MAPKAP1: variants seen among roughly 807,000 people sequenced by gnomAD.
MAPKAP1 encodes the protein MAPK associated protein 1, also known as target of rapamycin complex 2 subunit MAPKAP1.
Under a neutral mutation model 65.7 loss-of-function variants are expected in MAPKAP1, and 20 were observed. That is an observed-to-expected ratio of 0.30 (90% CI 0.21 to 0.44). The LOEUF is 0.44. MAPKAP1 is among the 20% of genes least tolerant of loss of function. The probability of loss-of-function intolerance (pLI) is 1.00; values close to 1 mark genes in which losing one functional copy is unlikely to be tolerated. For missense variants in MAPKAP1, 423 were observed against 648.0 expected, an observed-to-expected ratio of 0.65 and a Z score of 3.77; for synonymous variants, 222 against 244.3, an observed-to-expected ratio of 0.91 and a Z score of 0.85.
chr9:125,460,371 C>A (rs2132972057), intron 10 of MAPKAP1, among the ~76,000 whole-genome samples: 1 of 151,568 alleles, frequency 6.6e-6, no homozygotes, highest in East Asian at 1.9e-4. Context: ...ATATTCCAAT[C>A]AACACAAATT....
At chr9:125,512,756 G>C (rs1410654051) in intron 7 of MAPKAP1, 1 of 151,870 alleles carries the variant, frequency 6.6e-6, no homozygotes, top group African/African-American at 2.4e-5. Flanking sequence ...TAATTTTTTT[G>C]TATTTTTTAG....
intron 4 of MAPKAP1, among the ~76,000 whole-genome samples, chr9:125,596,891 A>G (rs1238350354): frequency 5.4e-5 from 8 of 147,380 alleles, no homozygotes; most frequent in East Asian, 4.1e-4. Context: ...TTTAATGTAG[A>G]TTTCTTTTTT....
intron 8 of MAPKAP1, among the ~76,000 whole-genome samples, chr9:125,485,663 T>C (rs969057888): frequency 6.6e-6 from 1 of 152,158 alleles, no homozygotes; most frequent in Non-Finnish European, 1.5e-5. Context: ...CCCAGACCTG[T>C]TGAAATCCCT....
intron 5 of MAPKAP1, among the ~76,000 whole-genome samples, chr9:125,581,570 C>T (rs367547813): frequency 1.2e-4 from 19 of 152,126 alleles, no homozygotes; most frequent in African/African-American, 4.1e-4. Context: ...CAGTTCTTTA[C>T]CTATTCTATA....
chr9:125,637,382 T>C (rs1416318515), intron 4 of MAPKAP1, among the ~76,000 whole-genome samples: 2 of 148,672 alleles, frequency 1.3e-5, no homozygotes, highest in Non-Finnish European at 3.0e-5. Flanking sequence ...CTAAAGAGAA[T>C]GGGTTTTGCC....
intron 4 of MAPKAP1, among the ~76,000 whole-genome samples, chr9:125,598,390 CAAGTT>C (rs1480061348): frequency 2.0e-5 from 3 of 152,148 alleles, no homozygotes; most frequent in African/African-American, 4.8e-5. Context: ...TATTTTCTGA[CAAGTT>C]AAGCTTAAAA....
chr9:125,574,044 ACACT>A (rs1381544217), intron 5 of MAPKAP1, among the ~76,000 whole-genome samples: 3 of 152,194 alleles, frequency 2.0e-5, no homozygotes, highest in African/African-American at 7.2e-5. Flanking sequence ...TATATAGCAA[ACACT>A]CAATAAATAT....
At chr9:125,626,856 C>T (rs1280202492) in intron 4 of MAPKAP1, among the ~76,000 whole-genome samples, 1 of 152,064 alleles carries the variant, frequency 6.6e-6, no homozygotes, top group East Asian at 1.9e-4. Context: ...TAATTACTAA[C>T]ATATATAGAA....
intron 1 of MAPKAP1, among the ~76,000 whole-genome samples, chr9:125,702,565 T>A (rs1300747685): frequency 1.4e-5 from 2 of 141,386 alleles, no homozygotes; most frequent in East Asian, 4.4e-4. Flanking sequence ...AACTAGCTAG[T>A]ACATGGCCGG....
intron 3 of MAPKAP1, among the ~76,000 whole-genome samples, chr9:125,666,636 A>G (rs990358063): frequency 6.6e-6 from 1 of 152,212 alleles, no homozygotes; most frequent in Non-Finnish European, 1.5e-5. Context: ...TCTTAAAAGC[A>G]GAGAATGAAT....
intron 7 of MAPKAP1, among the ~76,000 whole-genome samples, chr9:125,517,729 A>G (rs1013931627): frequency 6.6e-6 from 1 of 152,200 alleles, no homozygotes; most frequent in Non-Finnish European, 1.5e-5. Flanking sequence ...TTGAATACCT[A>G]GCCTCACGAA....
At chr9:125,551,656 T>C (rs1830588674) in intron 6 of MAPKAP1, among the ~76,000 whole-genome samples, 1 of 152,200 alleles carries the variant, frequency 6.6e-6, no homozygotes, top group Non-Finnish European at 1.5e-5. Flanking sequence ...TGACTTTTTT[T>C]TTTTTCCTTT....
chr9:125,690,065 G>A (rs1230989161), intron 1 of MAPKAP1, among the ~76,000 whole-genome samples: 1 of 152,222 alleles, frequency 6.6e-6, no homozygotes, highest in African/African-American at 2.4e-5. Flanking sequence ...TCCAGCCTGG[G>A]CTACAAGAGC....
chr9:125,452,562 C>CT (rs1236528391), intron 10 of MAPKAP1, among the ~76,000 whole-genome samples: 4 of 152,170 alleles, frequency 2.6e-5, no homozygotes, highest in Non-Finnish European at 5.9e-5. Context: ...CCTTAATACT[C>CT]TTAAACACTA....
At chr9:125,695,210 C>A (rs868075737) in intron 1 of MAPKAP1, among the ~76,000 whole-genome samples, 2 of 152,188 alleles carry the variant, frequency 1.3e-5, no homozygotes, top group Admixed American at 1.3e-4. Flanking sequence ...TGCCCCATAC[C>A]AGCATCTTAA....
At position 125,595,804 on chromosome 9, in the gene MAPKAP1, G is replaced by C. The variant is rs1589324028; in HGVS notation, c.499-10077C>G. ...GAACGCTCCCAGACTGTGTGGTAATGAAAGATTCCAACACCAAGCGTTCCG... is the reference window on the plus strand; with the variant it reads ...GAACGCTCCCAGACTGTGTGGTAATCAAAGATTCCAACACCAAGCGTTCCG... On this transcript the variant is annotated intron_variant, in intron 4 of 11. Transcript: ENST00000265960. This position sits in a 1 kb window ranked among gnomAD's most constrained non-coding sequence, Gnocchi z 4.0. 8.7e-7 allele frequency: 1 copy of C among 1,150,352 alleles called. No homozygotes were observed. The highest frequency in any genetic ancestry group is 1.3e-6 in the Non-Finnish European group (1 of 773,964). The allele number at this position is 1,150,352 out of a possible 1,614,324, so 71.3% of individuals were successfully genotyped here. A position where few individuals can be genotyped will look rare whatever the true frequency, so the allele number is the denominator to read the frequency against.
intron 4 of MAPKAP1, among the ~76,000 whole-genome samples, chr9:125,655,060 AG>A (rs1450670961): frequency 6.6e-6 from 1 of 152,088 alleles, no homozygotes; most frequent in African/African-American, 2.4e-5. Context: ...GAATATTTGG[AG>A]GGGGAAAAAA....
At chr9:125,570,199 TAAAGTAAAA>T (rs1299640827) in intron 5 of MAPKAP1, among the ~76,000 whole-genome samples, 1 of 152,176 alleles carries the variant, frequency 6.6e-6, no homozygotes, top group Non-Finnish European at 1.5e-5. Context: ...ATTCTTGTCC[TAAAGTAAAA>T]TAACTGGTTG....
At chr9:125,648,003 A>G (rs915616832) in intron 4 of MAPKAP1, among the ~76,000 whole-genome samples, 17 of 151,196 alleles carry the variant, frequency 1.1e-4, no homozygotes, top group African/African-American at 3.9e-4. Flanking sequence ...CCCAATCCAT[A>G]TAACTGATAA....
Sources: allele counts gnomAD v4.1 joint callset (sites outside exome capture counted in the v4.1 genomes callset), GRCh38; gene constraint gnomAD v4.1.1; non-coding constraint Gnocchi (gnomAD v3.1); transcripts MANE v1.5; gene names NCBI Gene and HGNC (gene_info 2026-07-23, HGNC 2026-07-21).